IL1RAPL1: variants seen among roughly 807,000 people sequenced by gnomAD.
The protein encoded by IL1RAPL1 is interleukin 1 receptor accessory protein like 1.
Under a neutral mutation model 48.4 loss-of-function variants are expected in IL1RAPL1, and 3 were observed. The observed-to-expected ratio is 0.06, with a 90% CI of 0.03 to 0.16. The LOEUF (loss-of-function observed/expected upper bound fraction) is 0.16, where lower values mean the gene tolerates loss of function less well. Among genes scored for constraint, IL1RAPL1 ranks in the 10% least tolerant of loss-of-function variants. The probability of loss-of-function intolerance (pLI) is 1.00; values close to 1 mark genes in which losing one functional copy is unlikely to be tolerated. For missense variants in IL1RAPL1, 349 were observed against 530.6 expected (o/e 0.66, Z 3.36); for synonymous variants, 185 against 187.7 (o/e 0.99, Z 0.12).
chrX:29,158,656 C>T (rs965282514), intron 2 of IL1RAPL1, among the ~76,000 whole-genome samples: 6 of 111,301 alleles, frequency 5.4e-5, no homozygotes, highest in Non-Finnish European at 7.5e-5. Context: ...GGATTACAGG[C>T]GTGAGCCACC....
chrX:28,747,059 A>G (rs778573843), intron 1 of IL1RAPL1, among the ~76,000 whole-genome samples: 14 of 110,900 alleles, frequency 1.3e-4, no homozygotes, highest in African/African-American at 4.6e-4. Flanking sequence ...AATTTATATC[A>G]TTCATAATTA....
At chrX:29,881,981 C>A (rs1253007371) in intron 6 of IL1RAPL1, among the ~76,000 whole-genome samples, 1 of 110,877 alleles carries the variant, frequency 9.0e-6, no homozygotes, top group Non-Finnish European at 1.9e-5. Context: ...AGAGGGAAAC[C>A]CTTGCAAAAG....
intron 5 of IL1RAPL1, among the ~76,000 whole-genome samples, chrX:29,641,762 G>A: frequency 8.9e-6 from 1 of 112,279 alleles, no homozygotes; most frequent in Non-Finnish European, 1.9e-5. Context: ...CTGTAAAACT[G>A]TGCTTAGAAT....
At chrX:29,824,074 C>T (rs778067731) in intron 6 of IL1RAPL1, among the ~76,000 whole-genome samples, 7 of 111,291 alleles carry the variant, frequency 6.3e-5, no homozygotes, top group Non-Finnish European at 1.3e-4. Flanking sequence ...ATTATTTAAA[C>T]TATATGTTCC....
intron 3 of IL1RAPL1, among the ~76,000 whole-genome samples, chrX:29,316,463 T>C (rs765871089): frequency 4.5e-4 from 51 of 112,469 alleles, no homozygotes; most frequent in Non-Finnish European, 8.3e-4. Context: ...TATTGAATTA[T>C]AAAGTGAGAA....
chrX:28,953,130 A>G (rs1372011824), intron 2 of IL1RAPL1, among the ~76,000 whole-genome samples: 1 of 111,498 alleles, frequency 9.0e-6, no homozygotes, highest in Non-Finnish European at 1.9e-5. Flanking sequence ...TTGAATATGG[A>G]CTATAGCAGC....
chrX:29,558,504 CTAAT>C (rs1247098332), intron 5 of IL1RAPL1, among the ~76,000 whole-genome samples: 1 of 111,727 alleles, frequency 9.0e-6, no homozygotes, highest in African/African-American at 3.2e-5. Flanking sequence ...CTTCACTCTG[CTAAT>C]TGTTTCCTTT....
chrX:29,197,442 C>G (rs916308433), intron 2 of IL1RAPL1, among the ~76,000 whole-genome samples: 8 of 111,730 alleles, frequency 7.2e-5, no homozygotes, highest in Non-Finnish European at 1.3e-4. Flanking sequence ...AATGAAAATG[C>G]AGCCTGACTT....
chrX:29,309,032 T>A (rs1932666272), intron 3 of IL1RAPL1, among the ~76,000 whole-genome samples: 1 of 112,424 alleles, frequency 8.9e-6, no homozygotes, highest in Admixed American at 9.4e-5. Flanking sequence ...GCTGCAGGGA[T>A]TATCAAAACT....
intron 2 of IL1RAPL1, among the ~76,000 whole-genome samples, chrX:29,036,660 G>T (rs2147413657): frequency 9.0e-6 from 1 of 111,432 alleles, no homozygotes; most frequent in East Asian, 2.8e-4. Flanking sequence ...TAAGCATTGG[G>T]AATTATGATT....
chrX:28,682,569 C>T (rs930988165), intron 1 of IL1RAPL1, among the ~76,000 whole-genome samples: 3 of 111,262 alleles, frequency 2.7e-5, no homozygotes, highest in Non-Finnish European at 5.7e-5. Flanking sequence ...CTACCATGCC[C>T]GGCCCCTGTT....
At chrX:29,207,072 G>GT (rs1239535289) in intron 2 of IL1RAPL1, among the ~76,000 whole-genome samples, 3 of 111,425 alleles carry the variant, frequency 2.7e-5, no homozygotes, top group African/African-American at 9.8e-5. Context: ...TTTTTGTGGA[G>GT]TGGGGGCAGG....
intron 5 of IL1RAPL1, among the ~76,000 whole-genome samples, chrX:29,542,153 G>A (rs1921461078): frequency 9.0e-6 from 1 of 111,044 alleles, no homozygotes; most frequent in Admixed American, 9.6e-5. Context: ...CCATCTAGAT[G>A]CTTTTATATT....
intron 6 of IL1RAPL1, among the ~76,000 whole-genome samples, chrX:29,857,234 A>G (rs1931493742): frequency 9.0e-6 from 1 of 111,711 alleles, no homozygotes; most frequent in Non-Finnish European, 1.9e-5. Context: ...TTTAAAACGT[A>G]CTGAGAACAT....
At chrX:29,499,454 T>C (rs187934728) in intron 5 of IL1RAPL1, among the ~76,000 whole-genome samples, 1 of 111,915 alleles carries the variant, frequency 8.9e-6, no homozygotes, top group Non-Finnish European at 1.9e-5. Flanking sequence ...ATAATGTTTA[T>C]GTTTTATTCA....
intron 6 of IL1RAPL1, among the ~76,000 whole-genome samples, chrX:29,868,623 C>T (rs1291342976): frequency 8.9e-6 from 1 of 112,427 alleles, no homozygotes; most frequent in Non-Finnish European, 1.9e-5. Flanking sequence ...AACAAACAGA[C>T]AGCAGAATGT....
At chrX:29,081,735 G>C (rs995271669) in intron 2 of IL1RAPL1, among the ~76,000 whole-genome samples, 5 of 110,953 alleles carry the variant, frequency 4.5e-5, no homozygotes, top group Non-Finnish European at 9.4e-5. Context: ...AATGGCATAC[G>C]TATTGAAAAT....
At chrX:29,165,040 C>T (rs771577863) in intron 2 of IL1RAPL1, among the ~76,000 whole-genome samples, 6 of 112,000 alleles carry the variant, frequency 5.4e-5, no homozygotes, top group East Asian at 2.8e-4. Context: ...TAAACTAGGC[C>T]GAGTGCGGTG....
rs760553395 is a variant in IL1RAPL1, at chrX:29,802,484, C to T, written c.779-114980C>T. 1.1e-4 allele frequency among the ~76,000 whole-genome samples: 12 copies of T among 108,251 alleles called. No individual in the cohort carries two copies. In the East Asian group the frequency reaches 1.4e-3, roughly 13 times the overall value. 94.0% of individuals were successfully genotyped at this position (108,251 alleles called of 115,157 possible). ...CATAAATATCAATAACTAGAAACAA[C>T]GATGTTACCAAAAAAAAGACATACA... On this transcript the variant is annotated intron_variant, in intron 6 of 10. Coordinates refer to ENST00000378993, the MANE Select transcript of IL1RAPL1 (RefSeq NM_014271.4).
Sources: gnomAD v4.1 joint callset for allele counts (sites outside exome capture counted in the v4.1 genomes callset) on GRCh38, gnomAD v4.1.1 for gene constraint, MANE v1.5 for transcripts, NCBI Gene and HGNC (gene_info 2026-07-23, HGNC 2026-07-21) for gene names.